Variants in CALM2 observed in about 807,000 individuals in gnomAD.
CALM2 encodes calmodulin 2.
Under a neutral mutation model 19.8 loss-of-function variants are expected in CALM2, and 2 were observed. That is an observed-to-expected ratio of 0.10 (90% CI 0.04 to 0.32). CALM2 has a LOEUF of 0.32. Among genes scored for constraint, CALM2 ranks in the 10% least tolerant of loss-of-function variants. CALM2 has a pLI of 1.00. For synonymous variants in CALM2, 51 were observed against 52.1 expected, an observed-to-expected ratio of 0.98 and a Z score of 0.09; for missense variants, 38 against 178.7, an observed-to-expected ratio of 0.21 and a Z score of 4.49.
intron 1 of CALM2, among the ~76,000 whole-genome samples, chr2:47,175,922 G>T (rs1372136966): frequency 6.6e-6 from 1 of 150,720 alleles, no homozygotes; most frequent in South Asian, 2.1e-4. Context: ...CGGAGGACGC[G>T]GGCTAACTGC....
intron 1 of CALM2, among the ~76,000 whole-genome samples, chr2:47,174,916 G>C (rs1311312861): frequency 1.3e-5 from 2 of 151,976 alleles, no homozygotes; most frequent in Non-Finnish European, 2.9e-5. Context: ...TTTTATTTAA[G>C]GTGAAATCGT....
chr2:47,170,431 T>C (rs1666629182), intron 2 of CALM2, among the ~76,000 whole-genome samples: 1 of 152,132 alleles, frequency 6.6e-6, no homozygotes, highest in African/African-American at 2.4e-5. Context: ...ATTCCTGTTT[T>C]ATACTAAGGT....
rs201444040 is a variant in CALM2 at position 47,161,724 on chromosome 2, T to C, written c.420A>G (p.Glu140=). Residue 140 remains glutamate (E), a splice_region_variant and synonymous_variant, in exon 5 of 6, where the codon GAA becomes GAG. Transcript: ENST00000272298. ...DIDGDGQVNY[E]EFVQMMTAK ...GAGGCGTGAGACTGAAACATTTACC[T>C]TCATAGTTTACTTGACCATCACCAT... 2.4e-5 allele frequency: 38 copies of C among 1,609,698 alleles called. No homozygotes were observed. The highest frequency in any genetic ancestry group is 1.7e-5 in the Admixed American group (1 of 59,402).
upstream of CALM2, chr2:47,176,897 C>A (rs776276653): frequency 2.2e-5 from 22 of 985,300 alleles, no homozygotes; most frequent in Non-Finnish European, 4.8e-6. Context: ...CGCGGTGCGG[C>A]TTCTGCCGTT....
At chr2:47,175,773 G>T (rs550891768) in intron 1 of CALM2, among the ~76,000 whole-genome samples, 1 of 150,020 alleles carries the variant, frequency 6.7e-6, no homozygotes, top group Non-Finnish European at 1.5e-5. Context: ...GAGCTCGAGC[G>T]GGGCCGAGCG....
At chr2:47,168,783 C>CT (rs11291626) in intron 2 of CALM2, among the ~76,000 whole-genome samples, 12 of 149,358 alleles carry the variant, frequency 8.0e-5, no homozygotes, top group African/African-American at 1.5e-4. Context: ...TAGACACAAA[C>CT]TTTTTTTTTT....
Position 47,162,535 on chromosome 2 carries a change from A to G in CALM2, c.162T>C (p.Asn54=). The change falls in exon 3 of 6, where the codon AAT becomes AAC. Residue 54 remains asparagine (N), a synonymous_variant. Coordinates refer to ENST00000272298, the MANE Select transcript of CALM2 (RefSeq NM_001743.6). ...AAGACTTACCATCAGCATCTACTTCATTAATCATGTCCTGTAACTCTGCTT... is the reference window on the plus strand; with the variant it reads ...AAGACTTACCATCAGCATCTACTTCGTTAATCATGTCCTGTAACTCTGCTT... ...PTEAELQDMI[N]EVDADGNGTI... is the part of the protein sequence containing the mutation. The G allele has an allele frequency of 6.2e-7, 1 of 1,614,144 alleles. No individual in the cohort carries two copies. The highest frequency in any genetic ancestry group is 8.5e-7 in the Non-Finnish European group (1 of 1,180,004).
intron 1 of CALM2, among the ~76,000 whole-genome samples, chr2:47,175,410 A>C (rs1666821862): frequency 6.6e-6 from 1 of 152,178 alleles, no homozygotes; most frequent in Non-Finnish European, 1.5e-5. Context: ...CGACTTTCAG[A>C]AGGCAGTCAC....
intron 2 of CALM2, among the ~76,000 whole-genome samples, chr2:47,164,298 C>A (rs192289902): frequency 1.4e-5 from 2 of 141,238 alleles, no homozygotes; most frequent in South Asian, 2.3e-4. Context: ...CACACACACA[C>A]ACAAGCTGGG....
chr2:47,173,457 T>C (rs942514266), intron 1 of CALM2: 1 of 152,224 alleles, frequency 6.6e-6, no homozygotes, highest in Non-Finnish European at 1.5e-5. Context: ...TAGTATACTC[T>C]CAGGTTCCTC....
intron 2 of CALM2, among the ~76,000 whole-genome samples, chr2:47,169,451 G>C (rs1013485771): frequency 4.6e-5 from 7 of 151,982 alleles, no homozygotes; most frequent in African/African-American, 1.7e-4. Context: ...ATCAGGCCCA[G>C]TCTATTTTTT....
At chr2:47,173,996 A>G (rs935125777) in intron 1 of CALM2, 2 of 152,218 alleles carry the variant, frequency 1.3e-5, no homozygotes, top group African/African-American at 4.8e-5. Context: ...CTATATTTTA[A>G]AAGAGCCAAA....
At position 47,176,505 on chromosome 2, in the gene CALM2, T is replaced by C. The variant is rs781378164; in HGVS notation, c.-62A>G. On this transcript the variant is annotated 5_prime_UTR_variant, in exon 1 of 6. Coordinates refer to ENST00000272298, the MANE Select transcript of CALM2 (RefSeq NM_001743.6). ...CAACCACTCAGCTCGCTCTCTCCAC[T>C]CGGACTAATTCGCCTCCTCCGCCCC... 3.1e-6 allele frequency: 5 copies of C among 1,606,148 alleles called. No individual in the cohort carries two copies. Among genetic ancestry groups the C allele is most frequent in the South Asian group, 2.2e-5 (2 of 89,518 alleles).
rs139143630 is a variant in CALM2 at position 47,162,695 on chromosome 2, C to T, written c.35-33G>A. The T allele has an allele frequency of 1.7e-4, 251 of 1,521,044 alleles. No homozygotes were observed. In the East Asian group the frequency reaches 5.5e-3, roughly 33 times the overall value. The allele number at this position is 1,521,044 out of a possible 1,614,324, so 94.2% of individuals were successfully genotyped here. ...AAAGAAAGACCACAATCCAAATACA[C>T]AGATTAATAATAAAATGTAACCTAA... On this transcript the variant is annotated intron_variant, in intron 2 of 5. Transcript: ENST00000272298.
chr2:47,176,657 T>G, upstream of CALM2: 1 of 1,462,960 alleles, frequency 6.8e-7, no homozygotes, highest in Non-Finnish European at 9.0e-7. Context: ...TTCACAGTTA[T>G]TTGGTCGATG....
chr2:47,176,711 G>T (rs898123748), upstream of CALM2: 2 of 1,395,860 alleles, frequency 1.4e-6, no homozygotes, highest in Non-Finnish European at 1.9e-6. Flanking sequence ...GACGTAAGTG[G>T]GTTTCATTTC....
rs909810069 is a variant in CALM2, at chr2:47,160,467, C to G, written c.*309G>C. 4.1e-6 allele frequency: 1 copy of G among 243,066 alleles called. No homozygotes were observed. The highest frequency in any genetic ancestry group is 7.9e-6 in the Non-Finnish European group (1 of 127,070). The allele number at this position is 243,066 out of a possible 1,614,324, so 15.1% of individuals were successfully genotyped here. A position where few individuals can be genotyped will look rare whatever the true frequency, so the allele number is the denominator to read the frequency against. On this transcript the variant is annotated 3_prime_UTR_variant, in exon 6 of 6. Coordinates refer to ENST00000272298, the MANE Select transcript of CALM2 (RefSeq NM_001743.6). The stretch of plus-strand genomic sequence containing the variant: ...TGCTGACAGTTCCTAAAGAAAACTA[C>G]TTTAAAAAAGGCATAACCCAGATGT...
chr2:47,169,993 G>GA (rs1392124066), intron 2 of CALM2, among the ~76,000 whole-genome samples: 115 of 151,316 alleles, frequency 7.6e-4, no homozygotes, highest in Non-Finnish European at 1.5e-3. Context: ...GGCAAGGGGG[G>GA]AAAAAAAAGT....
At chr2:47,167,690 T>A (rs1243423504) in intron 2 of CALM2, 2 of 22,498 alleles carry the variant, frequency 8.9e-5, no homozygotes, top group Non-Finnish European at 1.6e-4. Flanking sequence ...TGAAGCTCCG[T>A]CTCAAAAAAA....
Sources: allele counts gnomAD v4.1 joint callset (sites outside exome capture counted in the v4.1 genomes callset), GRCh38; gene constraint gnomAD v4.1.1; transcripts MANE v1.5; gene names NCBI Gene and HGNC (gene_info 2026-07-23, HGNC 2026-07-21).